DCK: variants seen among roughly 807,000 people sequenced by gnomAD.
The protein encoded by DCK is deoxyadenosine kinase.
A neutral mutation model predicts 38.3 loss-of-function variants in DCK; 23 were observed. That is an observed-to-expected ratio of 0.60 (90% CI 0.43 to 0.85). The LOEUF is 0.85. DCK is among the 40% of genes least tolerant of loss of function. DCK has a pLI of 0.00. For missense variants in DCK, 259 were observed against 304.4 expected (o/e 0.85, Z 1.11); for synonymous variants, 108 against 100.6 (o/e 1.07, Z -0.44).
chr4:70,993,667 C>T lies in DCK; in HGVS notation c.-169C>T, dbSNP rs1038873994. On this transcript the variant is annotated 5_prime_UTR_variant, in exon 1 of 7. Coordinates refer to ENST00000286648, the MANE Select transcript of DCK (RefSeq NM_000788.3). ...GCCCGCCAGTGTCCTCAGCTGCCTC[C>T]GCGCGCCAAAGTCAAACCCCGACAC... 3 of 559,386 alleles carry T rather than the reference C, an allele frequency of 5.4e-6. No individual in the cohort carries two copies. In the Admixed American group the frequency reaches 1.0e-4, roughly 19 times the overall value. The allele number at this position is 559,386 out of a possible 1,614,324, so 34.7% of individuals were successfully genotyped here.
chr4:71,017,189 T>C (rs935723049), intron 2 of DCK, among the ~76,000 whole-genome samples: 26 of 152,208 alleles, frequency 1.7e-4, no homozygotes, highest in African/African-American at 6.0e-4. Flanking sequence ...ATGCTCATCA[T>C]CACTGGCCAT....
At chr4:71,024,157 A>G (rs1316905938) in intron 4 of DCK, among the ~76,000 whole-genome samples, 2 of 152,118 alleles carry the variant, frequency 1.3e-5, no homozygotes, top group Non-Finnish European at 2.9e-5. Flanking sequence ...TACTGAATGA[A>G]TGGCAATGTT....
chr4:71,028,507 A>G (rs528885885), intron 6 of DCK: 2 of 325,042 alleles, frequency 6.2e-6, no homozygotes, highest in South Asian at 4.7e-5. Flanking sequence ...CTTTGATTGC[A>G]CCACTGTACT....
intron 6 of DCK, chr4:71,028,506 C>A: frequency 3.1e-6 from 1 of 324,328 alleles, no homozygotes; most frequent in Non-Finnish European, 6.0e-6. Context: ...GCTTTGATTG[C>A]ACCACTGTAC....
At chr4:71,000,425 C>T (rs1246369778) in intron 2 of DCK, among the ~76,000 whole-genome samples, 2 of 152,138 alleles carry the variant, frequency 1.3e-5, no homozygotes, top group Admixed American at 6.5e-5. Context: ...TTACTGTAGC[C>T]TTGTAGTATA....
At chr4:71,026,320 G>A (rs919688034) in intron 5 of DCK, among the ~76,000 whole-genome samples, 10 of 152,084 alleles carry the variant, frequency 6.6e-5, no homozygotes, top group South Asian at 2.1e-4. Flanking sequence ...TCTTACTGGT[G>A]TGTGACCTTG....
intron 6 of DCK, chr4:71,028,759 A>ATTTTT: frequency 1.2e-5 from 3 of 250,214 alleles, no homozygotes; most frequent in South Asian, 3.3e-5. Context: ...TGCCTAGCTA[A>ATTTTT]TTTTTTTTTT....
At chr4:71,015,028 A>G (rs1433467975) in intron 2 of DCK, among the ~76,000 whole-genome samples, 7 of 152,230 alleles carry the variant, frequency 4.6e-5, no homozygotes, top group Middle Eastern at 3.2e-3. Context: ...CGCTAGCAAG[A>G]CTAATAAAGA....
At position 71,030,874 on chromosome 4, in the gene DCK, A is replaced by G. The variant is rs1740675382; in HGVS notation, c.*1496A>G. On this transcript the variant is annotated 3_prime_UTR_variant, in exon 7 of 7. Transcript: ENST00000286648. Reference sequence around the variant, plus strand: ...TTTTAAAATTTGTAGAATTGAAAAGACGCTAATAAAAATTTATTATTTATT... The same window carrying G: ...TTTTAAAATTTGTAGAATTGAAAAGGCGCTAATAAAAATTTATTATTTATT... The G allele has an allele frequency of 6.6e-6, 1 of 152,164 alleles. No individual in the cohort carries two copies. Among genetic ancestry groups the G allele is most frequent in the South Asian group, 2.1e-4 (1 of 4,838 alleles). 9.4% of individuals were successfully genotyped at this position (152,164 alleles called of 1,614,324 possible). A position where few individuals can be genotyped will look rare whatever the true frequency, so the allele number is the denominator to read the frequency against.
intron 4 of DCK, among the ~76,000 whole-genome samples, chr4:71,024,115 T>C (rs867731189): frequency 1.3e-5 from 2 of 152,288 alleles, no homozygotes; most frequent in Middle Eastern, 3.4e-3. Context: ...CTGGGCACTG[T>C]TGGAGCATAT....
At position 71,022,494 on chromosome 4, in the gene DCK, T is replaced by C. The variant is rs1740450220; in HGVS notation, c.335T>C (p.Leu112Pro). The C allele has an allele frequency of 4.4e-6, 7 of 1,607,778 alleles. No individual in the cohort carries two copies. The highest frequency in any genetic ancestry group is 5.9e-6 in the Non-Finnish European group (7 of 1,177,774). Reference protein sequence around the residue: ...LSRIRAQLASLNGKLKDAEKP... With the variant: ...LSRIRAQLASPNGKLKDAEKP... ...CGAATAAGAGCTCAGCTTGCCTCTC[T>C]GAATGGCAAGCTCAAAGATGCAGAG... Residue 112 changes from leucine to proline, a missense_variant, in exon 3 of 7, where the codon CTG (leucine) becomes CCG (proline). This residue lies in a region of DCK where 159 missense variants were observed against 159.0 expected (regional missense o/e 1.00). Transcript: ENST00000286648.
chr4:71,003,575 A>C lies in DCK; in HGVS notation c.207+5393A>C, dbSNP rs188407899. Among the ~76,000 whole-genome samples the C allele has an allele frequency of 8.0e-5, 12 of 150,908 alleles. No individual in the cohort carries two copies. In the East Asian group the frequency reaches 2.2e-3, roughly 27 times the overall value. The stretch of plus-strand genomic sequence containing the variant: ...GTTTTCCAACTTGGTTCCATTCGTC[A>C]GTTTCAGGTATACCAGTCAAACGTA... On this transcript the variant is annotated intron_variant, in intron 2 of 6. Transcript: ENST00000286648.
chr4:71,015,377 C>T (rs1253510078), intron 2 of DCK, among the ~76,000 whole-genome samples: 1 of 152,204 alleles, frequency 6.6e-6, no homozygotes, highest in Non-Finnish European at 1.5e-5. Flanking sequence ...GGTACCATTC[C>T]TTCTGAAACT....
chr4:71,020,620 CT>C (rs1056332870), intron 2 of DCK, among the ~76,000 whole-genome samples: 1 of 151,496 alleles, frequency 6.6e-6, no homozygotes, highest in African/African-American at 2.4e-5. Context: ...TAAAATGGGA[CT>C]TTTTTTTTCT....
At chr4:71,023,818 A>G (rs1740486538) in intron 4 of DCK, 112 bp downstream of exon 4, 1 of 833,720 alleles carries the variant, frequency 1.2e-6, no homozygotes, top group East Asian at 3.0e-5. Flanking sequence ...CCAACCTCCC[A>G]CTCCCCACCT....
intron 4 of DCK, among the ~76,000 whole-genome samples, chr4:71,025,566 AG>A (rs1435759147): frequency 6.6e-6 from 1 of 152,096 alleles, no homozygotes; most frequent in Admixed American, 6.6e-5. Flanking sequence ...TATCAAACTT[AG>A]TATATTTCAT....
chr4:71,004,627 G>GCTGCTGCC (rs1355492044), intron 2 of DCK, among the ~76,000 whole-genome samples: 1 of 152,242 alleles, frequency 6.6e-6, no homozygotes, highest in Non-Finnish European at 1.5e-5. Flanking sequence ...CCTGACGGGG[G>GCTGCTGCC]CTGCTGCCTT....
At position 70,993,718 on chromosome 4, in the gene DCK, A is replaced by G; in HGVS notation, c.-118A>G. On this transcript the variant is annotated 5_prime_UTR_variant, in exon 1 of 7. Transcript: ENST00000286648. ...CCGCCGGCGGGCCGGTGAGCTCACTAGCTGACCCGGCAGGTCAGGATCTGG... is the reference window on the plus strand; with the variant it reads ...CCGCCGGCGGGCCGGTGAGCTCACTGGCTGACCCGGCAGGTCAGGATCTGG... 1.5e-6 allele frequency: 1 copy of G among 668,284 alleles called. No homozygotes were observed. The highest frequency in any genetic ancestry group is 2.6e-6 in the Non-Finnish European group (1 of 391,678). The allele number at this position is 668,284 out of a possible 1,614,324, so 41.4% of individuals were successfully genotyped here.
chr4:71,005,064 C>G (rs1174159190), intron 2 of DCK, among the ~76,000 whole-genome samples: 3 of 152,314 alleles, frequency 2.0e-5, no homozygotes, highest in Non-Finnish European at 4.4e-5. Context: ...CCGTGTCTGC[C>G]CAAATGGCTG....
Sources: gnomAD v4.1 joint callset for allele counts (sites outside exome capture counted in the v4.1 genomes callset) on GRCh38, gnomAD v4.1.1 for gene constraint, gnomAD v4.1.1 regional missense constraint, MANE v1.5 for transcripts, NCBI Gene and HGNC (gene_info 2026-07-23, HGNC 2026-07-21) for gene names.